Variants in KCNAB2 observed in about 807,000 individuals in gnomAD.
KCNAB2 encodes the protein voltage-gated potassium channel subunit beta-2.
KCNAB2 carries 29 observed loss-of-function variants against 63.6 expected under a neutral mutation model. The observed-to-expected ratio is 0.46, with a 90% CI of 0.34 to 0.62. KCNAB2 has a LOEUF of 0.62. Among genes scored for constraint, KCNAB2 ranks in the 20% least tolerant of loss-of-function variants. The pLI is 0.01. For synonymous variants in KCNAB2, 222 were observed against 224.2 expected (o/e 0.99, Z 0.09); for missense variants, 359 against 563.9 (o/e 0.64, Z 3.68).
Position 6,078,949 on chromosome 1 carries a change from C to T in KCNAB2, c.301-3246C>T, listed in dbSNP as rs114669891. Among the ~76,000 whole-genome samples the T allele has an allele frequency of 4.2e-3, 641 of 152,302 alleles. 7 individuals are homozygous for T. Among genetic ancestry groups the T allele is most frequent in the African/African-American group, 0.015 (604 of 41,562 alleles). ...GAGCTAGGAGGCTATTGTGAGAAAC[C>T]ACCCAAGAGCCGCTGGAGGCTCAGA... On this transcript the variant is annotated intron_variant, in intron 4 of 15. Coordinates refer to ENST00000378083, the MANE Select transcript of KCNAB2 (RefSeq NM_001199862.2). This position sits in a 1 kb window ranked among gnomAD's most constrained non-coding sequence, Gnocchi z 4.2.
rs1178776896 is a variant in KCNAB2, at chr1:6,100,009, C to T, written c.*1435C>T. The T allele has an allele frequency of 1.1e-5, 17 of 1,538,558 alleles. No homozygotes were observed. The highest frequency in any genetic ancestry group is 9.7e-5 in the South Asian group (8 of 82,226). On this transcript the variant is annotated 3_prime_UTR_variant, in exon 16 of 16. Transcript: ENST00000378083. ...CTCCACTGAAGCCACCCCCACCCCT[C>T]GCCAGCTAGCTCCATAGGGAAGCCT... is the stretch of plus-strand genomic sequence containing the variant.
At chr1:6,049,483 G>A (rs533553245) in intron 1 of KCNAB2, among the ~76,000 whole-genome samples, 3 of 152,334 alleles carry the variant, frequency 2.0e-5, no homozygotes, top group African/African-American at 7.2e-5. Context: ...GGGACAGAGG[G>A]TAGGATGGGA....
intron 1 of KCNAB2, among the ~76,000 whole-genome samples, chr1:6,020,719 T>C (rs1396278464): frequency 6.6e-6 from 1 of 152,212 alleles, no homozygotes; most frequent in East Asian, 1.9e-4. Context: ...CAGGCTGGAG[T>C]GCAATAGTGC....
chr1:6,010,291 G>T (rs1262807845), intron 1 of KCNAB2, among the ~76,000 whole-genome samples: 1 of 152,106 alleles, frequency 6.6e-6, no homozygotes, highest in Non-Finnish European at 1.5e-5. Context: ...AGCATTACTT[G>T]TCATCAATAA....
intron 2 of KCNAB2, 129 bp from the exon 3 acceptor site, chr1:6,072,626 C>T (rs993747840): frequency 1.1e-5 from 11 of 987,208 alleles, no homozygotes; most frequent in African/African-American, 9.6e-5. Context: ...GTCCCCGGTG[C>T]CTTTCGGAGC....
intron 1 of KCNAB2, among the ~76,000 whole-genome samples, chr1:6,004,925 G>GA (rs1476991818): frequency 2.3e-5 from 3 of 128,968 alleles, no homozygotes; most frequent in Admixed American, 7.9e-5. Flanking sequence ...AAGTGTTGCT[G>GA]GCTGAGGGGT....
At chr1:6,001,459 TC>T (rs1440436986) in intron 1 of KCNAB2, among the ~76,000 whole-genome samples, 3 of 152,108 alleles carry the variant, frequency 2.0e-5, no homozygotes, top group African/African-American at 7.2e-5. Context: ...GGAGAGGGTC[TC>T]CCCAACCCTC....
rs1663906277 is a variant in KCNAB2, at chr1:6,078,622, G to GTGGAGACTT, written c.301-3569_301-3561dup. ...AGCTGGGGGTCAGGGTGCAGATCTG[G>GTGGAGACTT]TGGAGACTTTGGCTTTGACCCTCTG... On this transcript the variant is annotated intron_variant, in intron 4 of 15. Coordinates refer to ENST00000378083, the MANE Select transcript of KCNAB2 (RefSeq NM_001199862.2). The surrounding 1 kb of genome is among the most constrained non-coding windows in gnomAD (Gnocchi z 4.2). Among the ~76,000 whole-genome samples, 1 of 152,150 alleles carries GTGGAGACTT rather than the reference G, an allele frequency of 6.6e-6. No homozygotes were observed. Among genetic ancestry groups the GTGGAGACTT allele is most frequent in the East Asian group, 1.9e-4 (1 of 5,180 alleles).
At chr1:6,077,528 C>T (rs1663766938) in intron 4 of KCNAB2, among the ~76,000 whole-genome samples, 1 of 152,184 alleles carries the variant, frequency 6.6e-6, no homozygotes, top group South Asian at 2.1e-4. Context: ...GTCTGCAGTG[C>T]CGGACCCTGC....
chr1:6,032,047 C>G (rs1659664339), upstream of KCNAB2, among the ~76,000 whole-genome samples: 1 of 152,182 alleles, frequency 6.6e-6, no homozygotes, highest in Non-Finnish European at 1.5e-5. Flanking sequence ...GCAATGCCTT[C>G]CTGGGGCTAT....
chr1:6,000,867 C>T (rs927421959), intron 1 of KCNAB2, among the ~76,000 whole-genome samples: 2 of 152,150 alleles, frequency 1.3e-5, no homozygotes, highest in African/African-American at 4.8e-5. Context: ...AGGATAAGGT[C>T]GCTGCCCTCA....
rs1366750141 is a variant in KCNAB2, at chr1:6,087,083, C to G, written c.426-384C>G. 1.3e-5 allele frequency among the ~76,000 whole-genome samples: 2 copies of G among 152,162 alleles called. No homozygotes were observed. Among genetic ancestry groups the G allele is most frequent in the African/African-American group, 2.4e-5 (1 of 41,430 alleles). ...CCCCCTGGCCCACACCCGGCCTCCT[C>G]CAGCCTTGGCTCTTGCCACTTCCTC... On this transcript the variant is annotated intron_variant, in intron 6 of 15. Transcript: ENST00000378083. This position sits in a 1 kb window ranked among gnomAD's most constrained non-coding sequence, Gnocchi z 6.4.
chr1:6,037,602 A>G (rs1196282741), intron 1 of KCNAB2, among the ~76,000 whole-genome samples: 1 of 152,224 alleles, frequency 6.6e-6, no homozygotes, highest in African/African-American at 2.4e-5. Context: ...GAAGAAATGC[A>G]CTGTCCTCCG....
chr1:6,034,943 G>A (rs1252015323), intron 1 of KCNAB2: 1 of 152,610 alleles, frequency 6.6e-6, no homozygotes, highest in Non-Finnish European at 1.5e-5. Context: ...CGAGTAGGTG[G>A]AGGAGAAGGC....
chr1:6,042,041 G>T (rs895065577), upstream of KCNAB2, among the ~76,000 whole-genome samples: 2 of 152,142 alleles, frequency 1.3e-5, no homozygotes, highest in Non-Finnish European at 2.9e-5. Flanking sequence ...AGGATGCTGT[G>T]CAATGTCCTG....
chr1:6,083,387 C>T (rs970942327), intron 5 of KCNAB2, among the ~76,000 whole-genome samples: 1 of 152,220 alleles, frequency 6.6e-6, no homozygotes, highest in Non-Finnish European at 1.5e-5. Flanking sequence ...AGGCCGGGCA[C>T]ACCCCATGTC....
At chr1:6,031,534 G>T (rs932264425), upstream of KCNAB2, among the ~76,000 whole-genome samples, 12 of 152,286 alleles carry the variant, frequency 7.9e-5, no homozygotes, top group African/African-American at 2.9e-4. The surrounding 1 kb of genome is among the most constrained non-coding windows in gnomAD (Gnocchi z 4.1). Context: ...TTAGTCTGGG[G>T]CTGCTCTTCC....
chr1:6,046,675 C>G (rs528287245), intron 1 of KCNAB2, among the ~76,000 whole-genome samples: 17 of 152,348 alleles, frequency 1.1e-4, no homozygotes, highest in African/African-American at 3.8e-4. Context: ...GAAAATCATT[C>G]TGTGTTTGCA....
At chr1:6,065,610 C>G (rs902051318) in intron 2 of KCNAB2, among the ~76,000 whole-genome samples, 1 of 152,188 alleles carries the variant, frequency 6.6e-6, no homozygotes, top group East Asian at 1.9e-4. Context: ...AGAGAGAGCC[C>G]TCCCTTCTCC....
Sources: allele counts gnomAD v4.1 joint callset (sites outside exome capture counted in the v4.1 genomes callset), GRCh38; gene constraint gnomAD v4.1.1; non-coding constraint Gnocchi (gnomAD v3.1); transcripts MANE v1.5; gene names NCBI Gene and HGNC (gene_info 2026-07-23, HGNC 2026-07-21).